Variants in PSMG2 observed in about 807,000 individuals in gnomAD.
The protein encoded by PSMG2 is CD40 ligand-activated specific transcript 3.
Under a neutral mutation model 31.5 loss-of-function variants are expected in PSMG2, and 21 were observed. The ratio of observed to expected loss-of-function variants is 0.67; its 90% CI spans 0.47 to 0.96. The LOEUF is 0.96. Among genes scored for constraint, PSMG2 ranks in the 40% least tolerant of loss-of-function variants. PSMG2 has a pLI of 0.00. For missense variants in PSMG2, 318 were observed against 321.2 expected, an observed-to-expected ratio of 0.99 and a Z score of 0.08; for synonymous variants, 120 against 110.4, an observed-to-expected ratio of 1.09 and a Z score of -0.54.
intron 1 of PSMG2, among the ~76,000 whole-genome samples, chr18:12,677,458 C>CAAAA (rs71174127): frequency 3.7e-5 from 2 of 53,948 alleles, no homozygotes; most frequent in African/African-American, 1.7e-4. Flanking sequence ...GATTCCATCT[C>CAAAA]AAAAAAAAAA....
At chr18:12,678,228 G>T in intron 1 of PSMG2, 1 of 1,614,128 alleles carries the variant, frequency 6.2e-7, no homozygotes, top group Non-Finnish European at 8.5e-7. Context: ...GTAGCTCCAG[G>T]AGCACACACA....
intron 2 of PSMG2, among the ~76,000 whole-genome samples, chr18:12,707,094 T>C (rs2040276533): frequency 6.6e-6 from 1 of 152,194 alleles, no homozygotes; most frequent in Admixed American, 6.5e-5. Flanking sequence ...TAGCTGGGAC[T>C]ACAGGTGCCT....
chr18:12,712,709 A>G lies in PSMG2; in HGVS notation c.237A>G (p.Ser79=), dbSNP rs146335831. 5.1e-5 allele frequency: 82 copies of G among 1,600,922 alleles called. 1 individual carries two copies. The highest frequency in any genetic ancestry group is 3.8e-4 in the Middle Eastern group (2 of 5,228). ...TELSINAEVY[S]LPSRKLVALQ... ...TTCTTCTTGTTTTTATAGTGTATTC[A>G]TTGCCTTCAAGAAAGCTGGTGGCTC... Residue 79 remains serine, a synonymous_variant, in exon 3 of 7, where the codon TCA becomes TCG. Coordinates refer to ENST00000317615, the MANE Select transcript of PSMG2 (RefSeq NM_020232.5).
chr18:12,714,144 G>A (rs950917111), intron 3 of PSMG2, among the ~76,000 whole-genome samples: 3 of 152,206 alleles, frequency 2.0e-5, no homozygotes, highest in Admixed American at 6.5e-5. Context: ...GTATATCTGT[G>A]CTAATACAGT....
upstream of PSMG2, chr18:12,699,680 T>C (rs368724704): frequency 1.9e-6 from 1 of 527,826 alleles, no homozygotes; most frequent in South Asian, 3.3e-5. Context: ...ATATACTTCA[T>C]GCAAAACAAT....
At chr18:12,703,774 G>A (rs1330126716) in intron 1 of PSMG2, among the ~76,000 whole-genome samples, 8 of 152,120 alleles carry the variant, frequency 5.3e-5, no homozygotes, top group Admixed American at 5.2e-4. Flanking sequence ...GGGAGGGGAG[G>A]GACAGATGGC....
chr18:12,661,317 A>T, intron 1 of PSMG2: 1 of 972,626 alleles, frequency 1.0e-6, no homozygotes, highest in Non-Finnish European at 1.2e-6. Flanking sequence ...TCAAAAAAGA[A>T]GAAAAAAAAT....
chr18:12,676,942 G>T (rs1914108406), intron 1 of PSMG2, among the ~76,000 whole-genome samples: 1 of 152,092 alleles, frequency 6.6e-6, no homozygotes, highest in Non-Finnish European at 1.5e-5. Flanking sequence ...AACCCTAAAA[G>T]GTGAATCAGA....
chr18:12,698,788 G>A, upstream of PSMG2: 2 of 575,132 alleles, frequency 3.5e-6, no homozygotes, highest in Non-Finnish European at 3.1e-6. Flanking sequence ...ATAATATCCA[G>A]GGAAAATGAA....
upstream of PSMG2, chr18:12,699,911 AAGGC>A: frequency 6.4e-7 from 1 of 1,563,192 alleles, no homozygotes; most frequent in South Asian, 1.2e-5. Context: ...CTGTCCTAGA[AAGGC>A]AGGAAAAAAA....
At chr18:12,707,081 G>A (rs1020366653) in intron 2 of PSMG2, among the ~76,000 whole-genome samples, 11 of 151,900 alleles carry the variant, frequency 7.2e-5, no homozygotes, top group African/African-American at 2.2e-4. Context: ...TCAGCCTCCC[G>A]AGTAGCTGGG....
intron 1 of PSMG2, chr18:12,697,447 TATTC>T (rs1382406206): frequency 4.4e-6 from 6 of 1,363,522 alleles, no homozygotes; most frequent in Admixed American, 4.0e-5. Context: ...CCACACTACA[TATTC>T]AGTTAGGCCA....
chr18:12,660,320 ATT>A (rs11433721), intron 1 of PSMG2, among the ~76,000 whole-genome samples: 10 of 142,102 alleles, frequency 7.0e-5, no homozygotes, highest in Non-Finnish European at 4.6e-5. Flanking sequence ...AAAAAGATGC[ATT>A]TTTTTTTTTT....
chr18:12,671,638 CTTTCTTTTTTT>C (rs1456730425), intron 1 of PSMG2, among the ~76,000 whole-genome samples: 1,230 of 82,908 alleles, frequency 0.015, 14 homozygotes, highest in African/African-American at 0.047. Context: ...AGGTTTCACA[CTTTCTTTTTTT>C]TTTTTTTTTT....
chr18:12,662,011 T>A (rs924866781), intron 1 of PSMG2: 1 of 255,322 alleles, frequency 3.9e-6, no homozygotes, highest in Non-Finnish European at 8.1e-6. Flanking sequence ...TGACTTTTTT[T>A]ATATTTACTT....
In PSMG2 at chr18:12,678,288, A is replaced by T; in HGVS notation, c.-37+19515A>T. 1.9e-6 allele frequency: 3 copies of T among 1,614,158 alleles called. No homozygotes were observed. The South Asian group carries it at 3.3e-5, about 18-fold the overall frequency. The stretch of plus-strand genomic sequence containing the variant: ...GGTTTCCATTTGGATTCATCGTTCA[A>T]ATCAAATACACAGGTTTCTACTGCA... On this transcript the variant is annotated intron_variant, in intron 1 of 6. Transcript: ENST00000585331.
chr18:12,725,228 G>C lies in PSMG2; in HGVS notation c.703-211G>C, dbSNP rs114179348. On this transcript the variant is annotated intron_variant, in intron 6 of 6. Coordinates refer to ENST00000317615, the MANE Select transcript of PSMG2 (RefSeq NM_020232.5). Reference sequence around the variant, plus strand: ...TTTTCCCTAATAAACTTCATCTACAGCCTTTCTGGCATATCTTTATAATTT... The same window carrying C: ...TTTTCCCTAATAAACTTCATCTACACCCTTTCTGGCATATCTTTATAATTT... Among the ~76,000 whole-genome samples the C allele has an allele frequency of 9.2e-3, 1,397 of 151,990 alleles. 25 individuals carry two copies. Among genetic ancestry groups the C allele is most frequent in the African/African-American group, 0.032 (1,332 of 41,438 alleles).
intron 4 of PSMG2, 44 bp downstream of exon 4, chr18:12,718,679 C>T (rs773146461): frequency 6.7e-6 from 9 of 1,352,994 alleles, no homozygotes. Context: ...ATGGTTTATA[C>T]TATGATAATT....
chr18:12,684,948 T>A (rs2039487402), intron 1 of PSMG2: 1 of 152,140 alleles, frequency 6.6e-6, no homozygotes, highest in South Asian at 2.1e-4. Context: ...CTAAATAGCA[T>A]GCAATTCAAG....
Sources: allele counts gnomAD v4.1 joint callset (sites outside exome capture counted in the v4.1 genomes callset), GRCh38; gene constraint gnomAD v4.1.1; transcripts MANE v1.5; gene names NCBI Gene and HGNC (gene_info 2026-07-23, HGNC 2026-07-21).